YWHAZ: variants seen among roughly 807,000 people sequenced by gnomAD.
The protein encoded by YWHAZ is tyrosine 3-monooxygenase/tryptophan 5-monooxygenase activation protein zeta.
For synonymous variants in YWHAZ, 87 were observed against 103.6 expected (o/e 0.84, Z 0.97); for missense variants, 79 against 284.8 (o/e 0.28, Z 5.20).
intron 1 of YWHAZ, among the ~76,000 whole-genome samples, chr8:100,949,870 G>A (rs1301823436): frequency 6.6e-5 from 10 of 152,254 alleles, no homozygotes; most frequent in Non-Finnish European, 2.9e-5. Flanking sequence ...TTTCTGGAAA[G>A]ATACCCTTTT....
intron 1 of YWHAZ, chr8:100,950,513 A>T (rs370014204): frequency 3.0e-6 from 3 of 985,456 alleles, no homozygotes; most frequent in East Asian, 1.1e-4. Context: ...GGCTCCGCCC[A>T]AGTCGGAGCC....
Position 100,948,860 on chromosome 8 carries a change from G to A in YWHAZ, c.30C>T (p.Ala10=), listed in dbSNP as rs763784540. ...ATCGCTCAGCCTGCTCGGCCAGTTT[G>A]GCCTTCTGAACCAGCTCATTTTTAT... MDKNELVQK[A]KLAEQAERYD... Residue 10 remains alanine (A), a synonymous_variant, in exon 2 of 6, where the codon GCC becomes GCT. Coordinates refer to ENST00000395958, the MANE Select transcript of YWHAZ (RefSeq NM_145690.3). This position sits in a 1 kb window ranked among gnomAD's most constrained non-coding sequence, Gnocchi z 4.2. 9 of 1,597,302 alleles carry A rather than the reference G, an allele frequency of 5.6e-6. No homozygotes were observed. In the East Asian group the frequency reaches 2.0e-4, roughly 36 times the overall value.
rs958265812 is a variant in YWHAZ at position 100,951,979 on chromosome 8, G to GGGC, written c.-65_-63dup. The GGGC allele has an allele frequency of 1.5e-4, 152 of 1,004,268 alleles. No homozygotes were observed. The highest frequency in any genetic ancestry group is 9.7e-4 in the Admixed American group (16 of 16,514). The allele number at this position is 1,004,268 out of a possible 1,614,324, so 62.2% of individuals were successfully genotyped here. On this transcript the variant is annotated 5_prime_UTR_variant, in exon 1 of 6. Transcript: ENST00000395958. ...CGGACGGACGGGCTCAGCAGTCTCT[G>GGGC]GGCGGCGGCGGCGGCAGCAGCGGCG... is the stretch of plus-strand genomic sequence containing the variant.
chr8:100,951,445 G>A lies in YWHAZ; in HGVS notation c.-12+484C>T, dbSNP rs897412395. ...GGGGCGGCCGAGGGAGAGGGGAGGGGGCGGCCTCACCTGCGCCACTGCGAT... is the reference window on the plus strand; with the variant it reads ...GGGGCGGCCGAGGGAGAGGGGAGGGAGCGGCCTCACCTGCGCCACTGCGAT... On this transcript the variant is annotated intron_variant, in intron 1 of 5. Coordinates refer to ENST00000395958, the MANE Select transcript of YWHAZ (RefSeq NM_145690.3). 1.6e-5 allele frequency: 16 copies of A among 982,412 alleles called. No individual in the cohort carries two copies. The African/African-American group carries it at 2.5e-4, about 15-fold the overall frequency. 60.9% of individuals were successfully genotyped at this position (982,412 alleles called of 1,614,324 possible).
At chr8:100,945,115 T>C (rs948854725) in intron 2 of YWHAZ, among the ~76,000 whole-genome samples, 1 of 152,224 alleles carries the variant, frequency 6.6e-6, no homozygotes, top group Non-Finnish European at 1.5e-5. Flanking sequence ...AAAGGCAGAT[T>C]GCATTAGTTC....
chr8:100,940,461 T>C (rs1014721165), intron 2 of YWHAZ, among the ~76,000 whole-genome samples: 1 of 152,236 alleles, frequency 6.6e-6, no homozygotes, highest in Non-Finnish European at 1.5e-5. Flanking sequence ...TGACTTGTAT[T>C]ATTTGTGCAC....
chr8:100,928,156 T>C (rs996764107), intron 2 of YWHAZ, among the ~76,000 whole-genome samples: 1 of 152,078 alleles, frequency 6.6e-6, no homozygotes, highest in East Asian at 1.9e-4. Context: ...GGCGGGCGCC[T>C]GTAGTCCCAG....
intron 2 of YWHAZ, among the ~76,000 whole-genome samples, chr8:100,935,222 C>G (rs1814061194): frequency 6.6e-6 from 1 of 152,124 alleles, no homozygotes; most frequent in Non-Finnish European, 1.5e-5. Context: ...CTCATAGGCT[C>G]TAATAAAGGC....
chr8:100,946,097 ATG>A (rs1810244015), intron 2 of YWHAZ, among the ~76,000 whole-genome samples: 1 of 152,204 alleles, frequency 6.6e-6, no homozygotes, highest in Non-Finnish European at 1.5e-5. Context: ...GAGGGTAACG[ATG>A]TGGGTAGGGA....
chr8:100,941,779 C>T (rs1275909946), intron 2 of YWHAZ, among the ~76,000 whole-genome samples: 1 of 142,936 alleles, frequency 7.0e-6, no homozygotes, highest in Non-Finnish European at 1.5e-5. Context: ...GGTGAGACTG[C>T]TATCTCAGAA....
chr8:100,946,805 C>T (rs1226830090), intron 2 of YWHAZ, among the ~76,000 whole-genome samples: 1 of 149,022 alleles, frequency 6.7e-6, no homozygotes, highest in African/African-American at 2.5e-5. Context: ...ACTTTTCGAT[C>T]AGGTGTAATA....
At chr8:100,944,004 A>AAG (rs1810080399) in intron 2 of YWHAZ, among the ~76,000 whole-genome samples, 1 of 151,476 alleles carries the variant, frequency 6.6e-6, no homozygotes. Context: ...AAAAGAAAAA[A>AAG]GAAAAAAAGA....
intron 2 of YWHAZ, chr8:100,934,842 A>T (rs1380910564): frequency 6.6e-6 from 1 of 152,224 alleles, no homozygotes; most frequent in Admixed American, 6.5e-5. Flanking sequence ...TACACAAAGG[A>T]CTAACAGAGA....
At chr8:100,943,594 A>C (rs941092774) in intron 2 of YWHAZ, among the ~76,000 whole-genome samples, 1 of 152,124 alleles carries the variant, frequency 6.6e-6, no homozygotes, top group African/African-American at 2.4e-5. Context: ...CTTTATTTTC[A>C]TCATTTCCAC....
chr8:100,952,822 G>C, upstream of YWHAZ: 1 of 1,000,380 alleles, frequency 1.0e-6, no homozygotes, highest in Non-Finnish European at 1.2e-6. Flanking sequence ...GGCCCCTCCC[G>C]GCCTCCCTCC....
At position 100,948,976 on chromosome 8, in the gene YWHAZ, A is replaced by G; in HGVS notation, c.-11-76T>C. On this transcript the variant is annotated intron_variant, in intron 1 of 5. Coordinates refer to ENST00000395958, the MANE Select transcript of YWHAZ (RefSeq NM_145690.3). The surrounding 1 kb of genome is among the most constrained non-coding windows in gnomAD (Gnocchi z 4.2). ...AGACTCAAAATTATACCTGTGGTAA[A>G]TGAGTTTTTTAAACCTGAAACCTAA... is the stretch of plus-strand genomic sequence containing the variant. 1 of 1,483,104 alleles carries G rather than the reference A, an allele frequency of 6.7e-7. No homozygotes were observed. Among genetic ancestry groups the G allele is most frequent in the South Asian group, 1.4e-5 (1 of 73,532 alleles). 91.9% of individuals were successfully genotyped at this position (1,483,104 alleles called of 1,614,324 possible).
rs184148359 is a variant in YWHAZ, at chr8:100,920,590, C to G, written c.*103G>C. On this transcript the variant is annotated 3_prime_UTR_variant, in exon 6 of 6. Transcript: ENST00000395958. ...AAATTCAAATAGAAGTAACATAAAC[C>G]TGTCATAAATCGTAAACAAAAAACT... 4.5e-4 allele frequency: 491 copies of G among 1,099,924 alleles called. 2 individuals are homozygous for G. In the East Asian group the frequency reaches 0.011, roughly 25 times the overall value. 68.1% of individuals were successfully genotyped at this position (1,099,924 alleles called of 1,614,324 possible).
intron 2 of YWHAZ, among the ~76,000 whole-genome samples, chr8:100,931,115 G>T (rs1813729718): frequency 6.6e-6 from 1 of 152,190 alleles, no homozygotes; most frequent in Non-Finnish European, 1.5e-5. Flanking sequence ...CTCTTAGATT[G>T]TGAAAACACT....
intron 2 of YWHAZ, chr8:100,931,922 A>G (rs1047562079): frequency 2.6e-5 from 4 of 152,198 alleles, no homozygotes; most frequent in Non-Finnish European, 5.9e-5. Flanking sequence ...TCAAAGAACA[A>G]AAGAAAAAAG....
Sources: allele counts gnomAD v4.1 joint callset (sites outside exome capture counted in the v4.1 genomes callset), GRCh38; gene constraint gnomAD v4.1.1; non-coding constraint Gnocchi (gnomAD v3.1); transcripts MANE v1.5; gene names NCBI Gene and HGNC (gene_info 2026-07-23, HGNC 2026-07-21).